The following THAP12 variants were observed in gnomAD, a reference collection of about 807,000 sequenced individuals.
THAP12 encodes THAP domain containing 12, also known as 52 kDa repressor of the inhibitor of the protein kinase.
A neutral mutation model predicts 63.0 loss-of-function variants in THAP12; 20 were observed. The observed-to-expected ratio is 0.32, with a 90% CI of 0.22 to 0.46. The LOEUF (loss-of-function observed/expected upper bound fraction) is 0.46. Among genes scored for constraint, THAP12 ranks in the 20% least tolerant of loss-of-function variants. The pLI, the probability that THAP12 is intolerant of heterozygous loss-of-function variation, is 1.00. For missense variants in THAP12, 568 were observed against 908.2 expected, an observed-to-expected ratio of 0.63 and a Z score of 4.81; for synonymous variants, 264 against 328.4, an observed-to-expected ratio of 0.80 and a Z score of 2.12.
Position 76,350,110 on chromosome 11 carries a change from G to A in THAP12, c.*754C>T, listed in dbSNP as rs1486693176. On this transcript the variant is annotated 3_prime_UTR_variant, in exon 5 of 5. Coordinates refer to ENST00000260045, the MANE Select transcript of THAP12 (RefSeq NM_004705.4). ...AGGTTTTGCTTATAAATCAAGATGA[G>A]GCAGTATATAAGAGTCATGGAAAAA... 2.0e-5 allele frequency: 3 copies of A among 152,546 alleles called. No individual in the cohort carries two copies. Among genetic ancestry groups the A allele is most frequent in the Non-Finnish European group, 4.4e-5 (3 of 68,020 alleles). The allele number at this position is 152,546 out of a possible 1,614,324, so 9.4% of individuals were successfully genotyped here.
At chr11:76,353,075 G>A (rs1946538851) in intron 4 of THAP12, among the ~76,000 whole-genome samples, 1 of 151,834 alleles carries the variant, frequency 6.6e-6, no homozygotes, top group South Asian at 2.1e-4. Flanking sequence ...AAGTAGAGCG[G>A]GGAGTCTCAC....
chr11:76,369,926 A>G (rs923115590), intron 1 of THAP12, among the ~76,000 whole-genome samples: 4 of 152,206 alleles, frequency 2.6e-5, no homozygotes, highest in African/African-American at 9.7e-5. Flanking sequence ...ACTACAATGC[A>G]ATAAATCTTC....
rs1039524451 is a variant in THAP12 at position 76,352,571 on chromosome 11, T to C, written c.579A>G (p.Glu193=). ...GAAAGTTATCTGGAGTAAAGAGACC[T>C]TCTGGGATTTCATCAGCCTCATGTC... ...LDGHEADEIP[E]GLFTPDNFQA... is the part of the protein sequence containing the mutation. Residue 193 remains glutamate (E), a synonymous_variant, in exon 5 of 5, where the codon GAA becomes GAG. Transcript: ENST00000260045. 6 of 1,611,900 alleles carry C rather than the reference T, an allele frequency of 3.7e-6. No individual in the cohort carries two copies. Among genetic ancestry groups the C allele is most frequent in the African/African-American group, 2.7e-5 (2 of 74,872 alleles).
Position 76,352,807 on chromosome 11 carries a change from G to A in THAP12, c.356-13C>T, listed in dbSNP as rs763805587. ...GAAGTTTCATCAACTGGAAAACAAA[G>A]AATTAATTTTACAAACAGGCTCATG... is the stretch of plus-strand genomic sequence containing the variant. On this transcript the variant is annotated splice_polypyrimidine_tract_variant and intron_variant, in intron 4 of 4. Transcript: ENST00000260045. 6.7e-7 allele frequency: 1 copy of A among 1,498,220 alleles called. No individual in the cohort carries two copies. The highest frequency in any genetic ancestry group is 8.9e-7 in the Non-Finnish European group (1 of 1,124,632). The allele number at this position is 1,498,220 out of a possible 1,614,324, so 92.8% of individuals were successfully genotyped here. A position where few individuals can be genotyped will look rare whatever the true frequency, so the allele number is the denominator to read the frequency against.
chr11:76,375,230 G>C (rs1292454991), intron 1 of THAP12, among the ~76,000 whole-genome samples: 2 of 152,212 alleles, frequency 1.3e-5, no homozygotes, highest in East Asian at 1.9e-4. Flanking sequence ...GCTGCCTGAG[G>C]AGGAAGAAGA....
chr11:76,380,652 CCT>C, intron 1 of THAP12, 94 bp downstream of exon 1: 2 of 952,656 alleles, frequency 2.1e-6, no homozygotes, highest in Non-Finnish European at 2.8e-6. Context: ...CTCCTGCGCC[CCT>C]CTCAGCCAGC....
At chr11:76,369,435 A>G (rs1444827606) in intron 1 of THAP12, among the ~76,000 whole-genome samples, 2 of 152,270 alleles carry the variant, frequency 1.3e-5, no homozygotes, top group Non-Finnish European at 2.9e-5. Flanking sequence ...AGAACAGGCA[A>G]AACTCATTCA....
intron 1 of THAP12, among the ~76,000 whole-genome samples, chr11:76,366,777 AAATT>A (rs1946634437): frequency 6.6e-6 from 1 of 152,172 alleles, no homozygotes; most frequent in African/African-American, 2.4e-5. Context: ...CTATGAACAC[AAATT>A]ATTATCTACA....
rs762443566 is a variant in THAP12 at position 76,351,772 on chromosome 11, T to C, written c.1378A>G (p.Asn460Asp). The C allele has an allele frequency of 1.2e-6, 2 of 1,613,306 alleles. No individual in the cohort carries two copies. The highest frequency in any genetic ancestry group is 1.7e-6 in the Non-Finnish European group (2 of 1,179,488). ...AATGCTCGGCCAGCTATATAGTTAT[T>C]CCATCTAATATTTGTGTCACTATTT... ...GINSDTNIRW[N>D]NYIAGRAFVL... The change falls in exon 5 of 5, where the codon AAT becomes GAT. Residue 460 changes from asparagine (N) to aspartate (D), a missense_variant. Physicochemically the swap from Asn to Asp is conservative, Grantham distance 23 (BLOSUM62 1). Transcript: ENST00000260045.
Position 76,352,191 on chromosome 11 carries a change from A to G in THAP12, c.959T>C (p.Leu320Ser). The G allele has an allele frequency of 6.2e-7, 1 of 1,610,278 alleles. No individual in the cohort carries two copies. Among genetic ancestry groups the G allele is most frequent in the Non-Finnish European group, 8.5e-7 (1 of 1,178,948 alleles). Residue 320 changes from leucine (L) to serine (S), a missense_variant, in exon 5 of 5, where the codon TTA becomes TCA. By Grantham distance (145) the Leu-to-Ser change is moderately radical. Transcript: ENST00000260045. ...CTGGCCACGACAATACTCCATATTT[A>G]ATCCCCACTTCTCAGTTATCATAGT... ...FHTMITEKWG[L>S]NMEYCRGQAY... is the part of the protein sequence containing the mutation.
chr11:76,362,632 C>T (rs923028931), intron 2 of THAP12, among the ~76,000 whole-genome samples: 20 of 152,288 alleles, frequency 1.3e-4, no homozygotes, highest in African/African-American at 4.6e-4. Context: ...CAAAGCTCCC[C>T]CATCTTTCAC....
intron 4 of THAP12, 37 bp from the exon 5 acceptor site, chr11:76,352,831 T>G (rs1342984357): frequency 2.7e-6 from 4 of 1,502,158 alleles, no homozygotes; most frequent in African/African-American, 1.4e-5. Flanking sequence ...AACAGGCTCA[T>G]GAAAAACCAT....
In THAP12 at chr11:76,351,157, C is replaced by A; in HGVS notation, c.1993G>T (p.Ala665Ser). The A allele has an allele frequency of 2.5e-6, 4 of 1,599,846 alleles. No homozygotes were observed. The highest frequency in any genetic ancestry group is 3.4e-6 in the Non-Finnish European group (4 of 1,173,600). Residue 665 changes from alanine (A) to serine (S), a missense_variant, in exon 5 of 5, where the codon GCC (alanine) becomes TCC (serine). Ala to Ser is a moderately conservative substitution (Grantham distance 99, BLOSUM62 1). Coordinates refer to ENST00000260045, the MANE Select transcript of THAP12 (RefSeq NM_004705.4). ...AACTTGATGTCAGGCAGGTGGAGGG[C>A]TTCATAGATGGTGGACGGAAGCTCT... ...DIELPSTIYE[A>S]LHLPDIKFFP...
rs150744260 is a variant in THAP12, at chr11:76,360,992, G to A, written c.282C>T (p.Asn94=). ...TTCGTTTTCTGTGTCTACTATGTGG[G>A]TTGTTCAAATGACTGGTAAGATCAA... ...TIFDLTSHLN[N]PHSRHRKRIK... The change falls in exon 3 of 5, where the codon AAC becomes AAT. Residue 94 remains asparagine (N), a synonymous_variant. Coordinates refer to ENST00000260045, the MANE Select transcript of THAP12 (RefSeq NM_004705.4). 240 of 1,609,656 alleles carry A rather than the reference G, an allele frequency of 1.5e-4. 2 individuals are homozygous for A. The African/African-American group carries it at 2.7e-3, about 18-fold the overall frequency.
intron 1 of THAP12, among the ~76,000 whole-genome samples, chr11:76,366,496 C>A (rs79484624): frequency 6.6e-6 from 1 of 152,010 alleles, no homozygotes; most frequent in Non-Finnish European, 1.5e-5. Flanking sequence ...CCTGGCTAAC[C>A]CGGTGAAACC....
intron 1 of THAP12, among the ~76,000 whole-genome samples, chr11:76,373,343 C>CAAAA (rs202157534): frequency 1.6e-5 from 1 of 62,380 alleles, no homozygotes. Flanking sequence ...GACACTGTCT[C>CAAAA]AAAAAAAAAA....
At chr11:76,354,097 A>G (rs1215313298) in intron 4 of THAP12, among the ~76,000 whole-genome samples, 1 of 152,238 alleles carries the variant, frequency 6.6e-6, no homozygotes, top group Non-Finnish European at 1.5e-5. Flanking sequence ...GGGGACATGA[A>G]CAAGGAGGGC....
chr11:76,352,795 C>T lies in THAP12; in HGVS notation c.356-1G>A. The T allele has an allele frequency of 6.6e-7, 1 of 1,506,802 alleles. No homozygotes were observed. Among genetic ancestry groups the T allele is most frequent in the Non-Finnish European group, 8.9e-7 (1 of 1,128,968 alleles). The allele number at this position is 1,506,802 out of a possible 1,614,324, so 93.3% of individuals were successfully genotyped here. A position where few individuals can be genotyped will look rare whatever the true frequency, so the allele number is the denominator to read the frequency against. On this transcript the variant is annotated splice_acceptor_variant, in intron 4 of 4. Transcript: ENST00000260045. LOFTEE classifies it high-confidence loss of function. Reference sequence around the variant, plus strand: ...TGTTCCTGCTCAGAAGTTTCATCAACTGGAAAACAAAGAATTAATTTTACA... The same window carrying T: ...TGTTCCTGCTCAGAAGTTTCATCAATTGGAAAACAAAGAATTAATTTTACA...
intron 4 of THAP12, among the ~76,000 whole-genome samples, chr11:76,354,700 A>G (rs1946548449): frequency 6.6e-6 from 1 of 152,156 alleles, no homozygotes; most frequent in Non-Finnish European, 1.5e-5. Context: ...TACTCTATGT[A>G]CCATGGAAAT....
Sources: allele counts gnomAD v4.1 joint callset (sites outside exome capture counted in the v4.1 genomes callset), GRCh38; gene constraint gnomAD v4.1.1; transcripts MANE v1.5; gene names NCBI Gene and HGNC (gene_info 2026-07-23, HGNC 2026-07-21).